The following C2CD2 variants were observed in gnomAD, a reference collection of about 807,000 sequenced individuals.
C2CD2 encodes C2 calcium dependent domain containing 2.
A neutral mutation model predicts 74.3 loss-of-function variants in C2CD2; 43 were observed. That is an observed-to-expected ratio of 0.58 (90% CI 0.45 to 0.75). The LOEUF is 0.75. Among genes scored for constraint, C2CD2 ranks in the 30% least tolerant of loss-of-function variants. The pLI is 0.00. For synonymous variants in C2CD2, 422 were observed against 390.7 expected (o/e 1.08, Z -0.94); for missense variants, 801 against 916.3 (o/e 0.87, Z 1.63).
At chr21:41,910,320 C>T (rs2065012512) in intron 7 of C2CD2, among the ~76,000 whole-genome samples, 2 of 152,166 alleles carry the variant, frequency 1.3e-5, no homozygotes, top group African/African-American at 4.8e-5. Flanking sequence ...TATACACAAG[C>T]TGAGAGGCAC....
chr21:41,933,820 C>T (rs918249138), intron 2 of C2CD2, among the ~76,000 whole-genome samples: 1 of 152,240 alleles, frequency 6.6e-6, no homozygotes, highest in Non-Finnish European at 1.5e-5. Flanking sequence ...GGTGGGCTCA[C>T]CCCACCTCAA....
chr21:41,922,171 T>TG, intron 2 of C2CD2, 86 bp from the exon 3 acceptor site: 1 of 794,058 alleles, frequency 1.3e-6, no homozygotes, highest in Non-Finnish European at 2.1e-6. Flanking sequence ...TTCTTTTTTT[T>TG]TTTTTGAGAC....
intron 12 of C2CD2, 156 bp downstream of exon 12, chr21:41,901,466 G>A: frequency 3.9e-6 from 3 of 769,704 alleles, no homozygotes; most frequent in Non-Finnish European, 2.3e-6. Flanking sequence ...CACCACACAT[G>A]ACTCCTTTGT....
chr21:41,946,086 T>C (rs2065395524), intron 1 of C2CD2, among the ~76,000 whole-genome samples: 1 of 152,034 alleles, frequency 6.6e-6, no homozygotes, highest in Non-Finnish European at 1.5e-5. Context: ...GAGTTCCAAA[T>C]AATAAAGACA....
At chr21:41,913,764 A>C (rs997998541) in intron 6 of C2CD2, among the ~76,000 whole-genome samples, 1 of 152,236 alleles carries the variant, frequency 6.6e-6, no homozygotes, top group African/African-American at 2.4e-5. Flanking sequence ...GTCGCGCTGT[A>C]AAGAGGTGCC....
At chr21:41,943,745 G>A (rs896033503) in intron 1 of C2CD2, among the ~76,000 whole-genome samples, 9 of 152,178 alleles carry the variant, frequency 5.9e-5, no homozygotes, top group South Asian at 2.1e-4. Flanking sequence ...CCAATGACCC[G>A]CGTAAACCTA....
intron 4 of C2CD2, 54 bp from the exon 5 acceptor site, chr21:41,918,281 C>T: frequency 6.3e-7 from 1 of 1,593,212 alleles, no homozygotes; most frequent in Non-Finnish European, 8.6e-7. Context: ...ACTCCCTGCT[C>T]CCAATCTCAC....
rs182519590 is a variant in C2CD2 at position 41,938,525 on chromosome 21, A to G, written c.378+3622T>C. On this transcript the variant is annotated intron_variant, in intron 2 of 13. Coordinates refer to ENST00000380486, the MANE Select transcript of C2CD2 (RefSeq NM_015500.2). ...AGAACCTGCATCTTCCCAAACTGAA[A>G]CTCTGTCCTCACTAAGCACTAACTC... 9.2e-4 allele frequency among the ~76,000 whole-genome samples: 139 copies of G among 151,784 alleles called. 1 individual carries two copies. Among genetic ancestry groups the G allele is most frequent in the African/African-American group, 3.3e-3 (135 of 41,372 alleles).
chr21:41,893,711 T>C (rs956935195), intron 13 of C2CD2, among the ~76,000 whole-genome samples: 1 of 149,198 alleles, frequency 6.7e-6, no homozygotes, highest in Non-Finnish European at 1.5e-5. Context: ...TTTTTTTTTT[T>C]TTTTTTTTGA....
rs1456234454 is a variant in C2CD2, at chr21:41,945,638, G to T, written c.280-3393C>A. ...TTGTAACCACCATGTGTCAAGAGAG[G>T]GACCTGTAATCCTCACCTGCAGAGG... On this transcript the variant is annotated intron_variant, in intron 1 of 13. Coordinates refer to ENST00000380486, the MANE Select transcript of C2CD2 (RefSeq NM_015500.2). This position sits in a 1 kb window ranked among gnomAD's most constrained non-coding sequence, Gnocchi z 4.2. Among the ~76,000 whole-genome samples, 1 of 152,188 alleles carries T rather than the reference G, an allele frequency of 6.6e-6. No homozygotes were observed. Among genetic ancestry groups the T allele is most frequent in the Non-Finnish European group, 1.5e-5 (1 of 68,036 alleles).
chr21:41,907,567 G>A (rs3746903), intron 9 of C2CD2, 93 bp downstream of exon 9: 85,266 of 1,359,978 alleles, frequency 0.063, 4,349 homozygotes, highest in African/African-American at 0.26. Context: ...TTCACACAGA[G>A]GCAGGAGTGA....
chr21:41,905,006 G>A (rs576938696), intron 11 of C2CD2, among the ~76,000 whole-genome samples: 5 of 152,250 alleles, frequency 3.3e-5, no homozygotes, highest in Admixed American at 2.0e-4. Context: ...ATTTCCTAGT[G>A]GAAGGGAAAA....
At chr21:41,934,961 G>A (rs2065294557) in intron 2 of C2CD2, among the ~76,000 whole-genome samples, 1 of 151,702 alleles carries the variant, frequency 6.6e-6, no homozygotes, top group African/African-American at 2.4e-5. Flanking sequence ...GCACCATCTT[G>A]GCTCACTGCA....
intron 3 of C2CD2, among the ~76,000 whole-genome samples, chr21:41,920,458 G>A (rs1162917665): frequency 2.6e-5 from 4 of 152,204 alleles, no homozygotes; most frequent in Non-Finnish European, 5.9e-5. Context: ...TAGAAGCAGG[G>A]TAAGAGAAAA....
intron 6 of C2CD2, among the ~76,000 whole-genome samples, chr21:41,914,134 G>A (rs920482933): frequency 6.6e-6 from 1 of 152,076 alleles, no homozygotes; most frequent in Non-Finnish European, 1.5e-5. Context: ...GCTGAGGCAG[G>A]AGAATCGCTT....
chr21:41,921,330 A>G (rs912704152), intron 3 of C2CD2, among the ~76,000 whole-genome samples: 2 of 152,216 alleles, frequency 1.3e-5, no homozygotes, highest in Non-Finnish European at 2.9e-5. Flanking sequence ...ACTCCAGTGA[A>G]TATCTGGCCG....
chr21:41,898,388 C>G (rs1422366167), intron 13 of C2CD2, among the ~76,000 whole-genome samples: 2 of 152,208 alleles, frequency 1.3e-5, no homozygotes, highest in Non-Finnish European at 2.9e-5. Context: ...AGCCCCTAGA[C>G]TATATGTCCT....
chr21:41,906,727 T>C (rs181043995), intron 10 of C2CD2, among the ~76,000 whole-genome samples: 206 of 152,328 alleles, frequency 1.4e-3, no homozygotes, highest in African/African-American at 4.6e-3. Flanking sequence ...ATTTACACTA[T>C]CTAGATTTTA....
intron 11 of C2CD2, among the ~76,000 whole-genome samples, chr21:41,904,588 C>T (rs565451583): frequency 7.2e-5 from 11 of 152,318 alleles, no homozygotes; most frequent in Admixed American, 3.9e-4. Context: ...GCAGGGCCTG[C>T]GTCCCAGAAC....
Sources: gnomAD v4.1 joint callset for allele counts (sites outside exome capture counted in the v4.1 genomes callset) on GRCh38, gnomAD v4.1.1 for gene constraint, Gnocchi (gnomAD v3.1) non-coding constraint, MANE v1.5 for transcripts, NCBI Gene and HGNC (gene_info 2026-07-23, HGNC 2026-07-21) for gene names.